PLPP2: variants seen among roughly 807,000 people sequenced by gnomAD.
PLPP2 encodes the protein phospholipid phosphatase 2, also known as PAP2-gamma.
Under a neutral mutation model 35.2 loss-of-function variants are expected in PLPP2, and 29 were observed. The ratio of observed to expected loss-of-function variants is 0.82; its 90% CI spans 0.61 to 1.12. The LOEUF (loss-of-function observed/expected upper bound fraction) is 1.12. PLPP2 is among the 50% of genes most tolerant of loss of function. The pLI, the probability that PLPP2 is intolerant of heterozygous loss-of-function variation, is 0.00. For missense variants in PLPP2, 353 were observed against 375.2 expected (o/e 0.94, Z 0.49); for synonymous variants, 162 against 167.0 (o/e 0.97, Z 0.23).
At chr19:289,921 G>A (rs962282619) in intron 1 of PLPP2, among the ~76,000 whole-genome samples, 5 of 152,040 alleles carry the variant, frequency 3.3e-5, no homozygotes, top group African/African-American at 1.2e-4. Flanking sequence ...CTCTTATCGG[G>A]CGGAGGCTCA....
intron 4 of PLPP2, 54 bp downstream of exon 4, chr19:282,698 G>T (rs1200751685): frequency 6.5e-7 from 1 of 1,543,654 alleles, no homozygotes; most frequent in Non-Finnish European, 8.9e-7. Flanking sequence ...CCAGGGAAGG[G>T]AGTGATTTAG....
Position 281,245 on chromosome 19 carries a change from AGCGGAG to A in PLPP2, c.*137_*142del, listed in dbSNP as rs1970167867. ...CCTGGTCCAGTGCAGGGCAGGGGGC[AGCGGAG>A]CCCGCTCACTGCTCCCATCAGCCCA... On this transcript the variant is annotated 3_prime_UTR_variant, in exon 6 of 6. Coordinates refer to ENST00000434325, the MANE Select transcript of PLPP2 (RefSeq NM_003712.4). The A allele has an allele frequency of 2.6e-6, 2 of 776,236 alleles. No individual in the cohort carries two copies. Among genetic ancestry groups the A allele is most frequent in the African/African-American group, 3.6e-5 (2 of 55,912 alleles). 48.1% of individuals were successfully genotyped at this position (776,236 alleles called of 1,614,324 possible).
At position 281,499 on chromosome 19, in the gene PLPP2, T is replaced by C. The variant is rs761565051; in HGVS notation, c.756A>G (p.Pro252=). ...GCTCCTCCTCCTTCAGACAGTGCTGTGGGGGTCGGGCTTTGAAGAAGTCTG... is the reference window on the plus strand; with the variant it reads ...GCTCCTCCTCCTTCAGACAGTGCTGCGGGGGTCGGGCTTTGAAGAAGTCTG... The part of the protein sequence containing the change: ...YISDFFKARP[P]QHCLKEEELE... Residue 252 remains proline (P), a synonymous_variant, in exon 6 of 6, where the codon CCA becomes CCG. Coordinates refer to ENST00000434325, the MANE Select transcript of PLPP2 (RefSeq NM_003712.4). 2 of 1,538,424 alleles carry C rather than the reference T, an allele frequency of 1.3e-6. No homozygotes were observed. The highest frequency in any genetic ancestry group is 3.5e-4 in the Middle Eastern group (2 of 5,714).
chr19:290,760 C>T (rs565601620), intron 1 of PLPP2, among the ~76,000 whole-genome samples: 4 of 152,282 alleles, frequency 2.6e-5, no homozygotes, highest in South Asian at 4.1e-4. Context: ...GTGTCTCCCC[C>T]GCCCGAGCCA....
chr19:289,896 G>A (rs1315110709), intron 1 of PLPP2, among the ~76,000 whole-genome samples: 1 of 149,188 alleles, frequency 6.7e-6, no homozygotes, highest in Non-Finnish European at 1.5e-5. Context: ...AGAAGGGAGT[G>A]CAGCCCGACC....
Position 282,712 on chromosome 19 carries a change from T to C in PLPP2, c.540+40A>G, listed in dbSNP as rs1260866363. On this transcript the variant is annotated intron_variant, in intron 4 of 5. Coordinates refer to ENST00000434325, the MANE Select transcript of PLPP2 (RefSeq NM_003712.4). ...TCCAGGGAAGGGAGTGATTTAGCCA[T>C]GGTTCCCCCGAAAAGCAAGCCCGGG... The C allele has an allele frequency of 3.8e-6, 6 of 1,581,510 alleles. No individual in the cohort carries two copies. The African/African-American group carries it at 6.8e-5, about 18-fold the overall frequency.
intron 5 of PLPP2, 60 bp downstream of exon 5, chr19:282,074 G>A (rs986846408): frequency 5.1e-6 from 8 of 1,581,500 alleles, no homozygotes; most frequent in Non-Finnish European, 6.9e-6. Context: ...GCAGCACTAG[G>A]GTTGGCTGGG....
At chr19:283,606 G>C (rs1970219208) in intron 3 of PLPP2, 1 of 152,240 alleles carries the variant, frequency 6.6e-6, no homozygotes, top group African/African-American at 2.4e-5. Context: ...AACAGGCCAG[G>C]GAATAAAATG....
intron 1 of PLPP2, among the ~76,000 whole-genome samples, chr19:289,989 G>A (rs1970352826): frequency 1.3e-5 from 2 of 152,140 alleles, no homozygotes; most frequent in Admixed American, 1.3e-4. Context: ...TAGAGACGCA[G>A]GCACCCCCAT....
chr19:290,976 G>A, intron 1 of PLPP2: 1 of 1,250,882 alleles, frequency 8.0e-7, no homozygotes, highest in African/African-American at 1.6e-5. Context: ...GGGGCGGGAT[G>A]GAGGCGCGCG....
chr19:287,554 G>A lies in PLPP2; in HGVS notation c.402C>T (p.Asp134=). The change falls in exon 3 of 6, where the codon GAC becomes GAT. Residue 134 remains aspartate (D), a synonymous_variant. Coordinates refer to ENST00000434325, the MANE Select transcript of PLPP2 (RefSeq NM_003712.4). This position sits in a 1 kb window ranked among gnomAD's most constrained non-coding sequence, Gnocchi z 4.3. ...AGACCGAGCAGTTGACCCGGCTCCAGTCGGGGTCGCAGACGGCTAGGAAGT... is the reference window on the plus strand; with the variant it reads ...AGACCGAGCAGTTGACCCGGCTCCAATCGGGGTCGCAGACGGCTAGGAAGT... ...RPNFLAVCDP[D]WSRVNCSVYV... 2 of 1,613,772 alleles carry A rather than the reference G, an allele frequency of 1.2e-6. No individual in the cohort carries two copies. The highest frequency in any genetic ancestry group is 1.7e-6 in the Non-Finnish European group (2 of 1,180,034).
intron 1 of PLPP2, 66 bp downstream of exon 1, chr19:291,219 C>A (rs1970383931): frequency 3.1e-6 from 5 of 1,589,888 alleles, no homozygotes; most frequent in Non-Finnish European, 4.3e-6. Flanking sequence ...TGCAAACTTG[C>A]GCGCAGCCGG....
intron 1 of PLPP2, chr19:290,890 GCGCGGACGTCCTGCCGGGGTAACC>G (rs1970376524): frequency 8.5e-7 from 1 of 1,183,078 alleles, no homozygotes; most frequent in Admixed American, 4.3e-5. Context: ...AGGGGCGGAG[GCGCGGACGTCCTGCCGGGGTAACC>G]CGCGGCCGCC....
chr19:290,804 G>A, intron 1 of PLPP2: 1 of 669,928 alleles, frequency 1.5e-6, no homozygotes, highest in Non-Finnish European at 2.1e-6. Context: ...ACGTGCACGG[G>A]TTCGAATCCC....
intron 3 of PLPP2, chr19:285,261 C>T (rs919250672): frequency 2.0e-5 from 3 of 151,790 alleles, no homozygotes; most frequent in Non-Finnish European, 2.9e-5. Context: ...GGTGAAACCC[C>T]GTCTCTACTT....
rs146379924 is a variant in PLPP2, at chr19:281,376, C to G, written c.*12G>C. The G allele has an allele frequency of 7.2e-7, 1 of 1,389,654 alleles. No individual in the cohort carries two copies. Among genetic ancestry groups the G allele is most frequent in the East Asian group, 2.7e-5 (1 of 36,790 alleles). The allele number at this position is 1,389,654 out of a possible 1,614,324, so 86.1% of individuals were successfully genotyped here. A position where few individuals can be genotyped will look rare whatever the true frequency, so the allele number is the denominator to read the frequency against. On this transcript the variant is annotated 3_prime_UTR_variant, in exon 6 of 6. Coordinates refer to ENST00000434325, the MANE Select transcript of PLPP2 (RefSeq NM_003712.4). The stretch of plus-strand genomic sequence containing the variant: ...GACTCACAGCAGCTCCCTGCCTGGG[C>G]GGGGTCCGGCCTCAGGAGGAGGAGT...
At position 287,616 on chromosome 19, in the gene PLPP2, C is replaced by G. The variant is rs762502783; in HGVS notation, c.340G>C (p.Asp114His). ...CGCCCAATCATGTACTTGGCCAGGT[C>G]TGTCAGAGACTGGCTCACGGCAGCC... ...FGAAVSQSLT[D>H]LAKYMIGRLR... The change falls in exon 3 of 6, where the codon GAC (aspartate) becomes CAC (histidine). Residue 114 changes from aspartate to histidine, a missense_variant. Asp to His is a moderately conservative substitution (Grantham distance 81). Coordinates refer to ENST00000434325, the MANE Select transcript of PLPP2 (RefSeq NM_003712.4). The surrounding 1 kb of genome is among the most constrained non-coding windows in gnomAD (Gnocchi z 4.3). 1 of 1,613,958 alleles carries G rather than the reference C, an allele frequency of 6.2e-7. No homozygotes were observed. The highest frequency in any genetic ancestry group is 1.7e-5 in the Admixed American group (1 of 60,032).
chr19:291,190 C>T, intron 1 of PLPP2, 95 bp downstream of exon 1: 1 of 1,575,794 alleles, frequency 6.3e-7, no homozygotes, highest in South Asian at 1.2e-5. Flanking sequence ...GACGAGGGCG[C>T]GCAGCCTCCG....
In PLPP2 at chr19:291,382, C is replaced by G. The variant is rs1194583921; in HGVS notation, c.-46G>C. On this transcript the variant is annotated 5_prime_UTR_variant, in exon 1 of 6. Coordinates refer to ENST00000434325, the MANE Select transcript of PLPP2 (RefSeq NM_003712.4). ...CCGGTCCCAGCGCGTCCCGTCGCGT[C>G]CCGGCCCGGCCGCGGAGTCACGTGG... The G allele has an allele frequency of 6.4e-7, 1 of 1,563,922 alleles. No homozygotes were observed. Among genetic ancestry groups the G allele is most frequent in the Non-Finnish European group, 8.6e-7 (1 of 1,156,170 alleles).
Sources: allele counts gnomAD v4.1 joint callset (sites outside exome capture counted in the v4.1 genomes callset), GRCh38; gene constraint gnomAD v4.1.1; non-coding constraint Gnocchi (gnomAD v3.1); transcripts MANE v1.5; gene names NCBI Gene and HGNC (gene_info 2026-07-23, HGNC 2026-07-21).